DIAPH3: variants seen among roughly 807,000 people sequenced by gnomAD.
The protein encoded by DIAPH3 is diaphanous related formin 3, also known as protein diaphanous homolog 3.
In DIAPH3, 117 loss-of-function variants were observed where a neutral mutation model predicts 144.3. The observed-to-expected ratio is 0.81, with a 90% CI of 0.70 to 0.95. DIAPH3 has a LOEUF of 0.95. DIAPH3 is among the 40% of genes least tolerant of loss of function. The pLI, the probability that DIAPH3 is intolerant of heterozygous loss-of-function variation, is 0.00. For synonymous variants in DIAPH3, 519 were observed against 488.9 expected (o/e 1.06, Z -0.81); for missense variants, 1,421 against 1,412.7 (o/e 1.01, Z -0.09).
At chr13:59,821,370 T>C (rs1030976139) in intron 24 of DIAPH3, among the ~76,000 whole-genome samples, 20 of 152,054 alleles carry the variant, frequency 1.3e-4, no homozygotes, top group Admixed American at 3.9e-4. Context: ...ATTACTACTT[T>C]CTAGAAACTC....
At chr13:59,697,491 A>AAAAAAAAAAAAAAAAAAAAAAAAAAG (rs1555274392) in intron 27 of DIAPH3, among the ~76,000 whole-genome samples, 1 of 78,082 alleles carries the variant, frequency 1.3e-5, no homozygotes, top group African/African-American at 4.4e-5. Flanking sequence ...AAAAAAAAAA[A>AAAAAAAAAAAAAAAAAAAAAAAAAAG]AAGAAGAGGG....
intron 9 of DIAPH3, among the ~76,000 whole-genome samples, chr13:60,007,032 T>C (rs1173670775): frequency 1.3e-5 from 2 of 152,164 alleles, no homozygotes; most frequent in African/African-American, 2.4e-5. Context: ...ATTATTAGTT[T>C]CACAGCTCCT....
In DIAPH3 at chr13:59,789,335, T is replaced by C. The variant is rs566041249; in HGVS notation, c.3164-14512A>G. Among the ~76,000 whole-genome samples the C allele has an allele frequency of 2.8e-4, 43 of 152,314 alleles. 3 individuals are homozygous for C. The South Asian group carries it at 7.3e-3, about 26-fold the overall frequency. ...CTTGTCACCCACAAGAGCTTCACTT[T>C]ATTCTGAGTGAAGTTTAACAAGCTT... is the stretch of plus-strand genomic sequence containing the variant. On this transcript the variant is annotated intron_variant, in intron 25 of 27. Coordinates refer to ENST00000400324, the MANE Select transcript of DIAPH3 (RefSeq NM_001042517.2).
intron 4 of DIAPH3, among the ~76,000 whole-genome samples, chr13:60,070,969 A>G (rs1462119494): frequency 1.3e-5 from 2 of 152,218 alleles, no homozygotes; most frequent in Admixed American, 6.5e-5. Flanking sequence ...TATTATTTAA[A>G]TTATTCCTAA....
intron 17 of DIAPH3, among the ~76,000 whole-genome samples, chr13:59,945,267 A>T (rs920203606): frequency 2.0e-5 from 3 of 152,004 alleles, no homozygotes; most frequent in Admixed American, 6.6e-5. Flanking sequence ...ACCCCTCATC[A>T]TACCTTGCTC....
At chr13:59,735,384 C>T (rs753696429) in intron 27 of DIAPH3, among the ~76,000 whole-genome samples, 20 of 152,132 alleles carry the variant, frequency 1.3e-4, no homozygotes, top group South Asian at 4.2e-4. Context: ...TTTGAAAGTC[C>T]GTAACACCTT....
intron 27 of DIAPH3, among the ~76,000 whole-genome samples, chr13:59,681,299 C>T (rs1263670766): frequency 5.3e-5 from 8 of 152,132 alleles, no homozygotes; most frequent in Admixed American, 2.6e-4. Flanking sequence ...AGTAAGACTC[C>T]GTCTCTACAA....
intron 24 of DIAPH3, among the ~76,000 whole-genome samples, chr13:59,820,993 A>G (rs2139634275): frequency 6.6e-6 from 1 of 151,918 alleles, no homozygotes; most frequent in Middle Eastern, 3.4e-3. Flanking sequence ...AAACTAGGAG[A>G]TTTAATCATT....
At position 60,093,741 on chromosome 13, in the gene DIAPH3, C is replaced by G. The variant is rs778382123; in HGVS notation, c.391-9G>C. On this transcript the variant is annotated splice_polypyrimidine_tract_variant and intron_variant, in intron 3 of 27. Transcript: ENST00000400324. ...TTTAAATTCATATCTTCCTGGAAAACACAATTAAAATGCCTCATTTTAGAA... is the reference window on the plus strand; with the variant it reads ...TTTAAATTCATATCTTCCTGGAAAAGACAATTAAAATGCCTCATTTTAGAA... 205 of 1,584,890 alleles carry G rather than the reference C, an allele frequency of 1.3e-4. No individual in the cohort carries two copies. Among genetic ancestry groups the G allele is most frequent in the Non-Finnish European group, 1.7e-4 (197 of 1,154,776 alleles).
intron 21 of DIAPH3, among the ~76,000 whole-genome samples, chr13:59,876,782 T>A (rs1852825610): frequency 6.6e-6 from 1 of 152,168 alleles, no homozygotes; most frequent in Admixed American, 6.5e-5. Context: ...CTAAAGAGGA[T>A]CACAGACACT....
intron 27 of DIAPH3, among the ~76,000 whole-genome samples, chr13:59,725,327 T>C (rs1402923414): frequency 6.6e-6 from 1 of 152,216 alleles, no homozygotes; most frequent in Non-Finnish European, 1.5e-5. Context: ...TGTTTCCATA[T>C]GGGACTTCTT....
At chr13:60,014,571 G>A (rs1472414921) in intron 7 of DIAPH3, among the ~76,000 whole-genome samples, 1 of 151,956 alleles carries the variant, frequency 6.6e-6, no homozygotes, top group Non-Finnish European at 1.5e-5. Context: ...ATAAATATTT[G>A]CTAATACATG....
At chr13:60,123,019 C>A (rs1160202134) in intron 2 of DIAPH3, among the ~76,000 whole-genome samples, 2 of 152,020 alleles carry the variant, frequency 1.3e-5, no homozygotes, top group African/African-American at 4.8e-5. Flanking sequence ...TACCCATAAA[C>A]AAAAAGTCAT....
Position 59,971,096 on chromosome 13 carries a change from T to C in DIAPH3, c.1715A>G (p.His572Arg), listed in dbSNP as rs1004902911. 1 of 1,611,440 alleles carries C rather than the reference T, an allele frequency of 6.2e-7. No individual in the cohort carries two copies. Among genetic ancestry groups the C allele is most frequent in the African/African-American group, 1.3e-5 (1 of 74,820 alleles). The change falls in exon 16 of 28, where the codon CAC (histidine) becomes CGC (arginine). Residue 572 changes from histidine (H) to arginine (R), a missense_variant. By Grantham distance (29) the His-to-Arg change is conservative. Coordinates refer to ENST00000400324, the MANE Select transcript of DIAPH3 (RefSeq NM_001042517.2). Reference protein sequence around the residue: ...LPPSKEGGTGHSALPPPPPLP... With the variant: ...LPPSKEGGTGRSALPPPPPLP... Reference sequence around the variant, plus strand: ...TGGAGGCGGAGGAGGAAGTGCTGAGTGGCCAGTTCCACCTTCTTTAGAGGG... The same window carrying C: ...TGGAGGCGGAGGAGGAAGTGCTGAGCGGCCAGTTCCACCTTCTTTAGAGGG...
intron 4 of DIAPH3, among the ~76,000 whole-genome samples, chr13:60,070,464 G>C (rs2057160920): frequency 6.6e-6 from 1 of 151,892 alleles, no homozygotes; most frequent in Non-Finnish European, 1.5e-5. Context: ...AGTTGATCAT[G>C]TCTATGTTTT....
chr13:59,780,602 T>C (rs2038684778), intron 25 of DIAPH3, among the ~76,000 whole-genome samples: 1 of 152,170 alleles, frequency 6.6e-6, no homozygotes, highest in Admixed American at 6.5e-5. Flanking sequence ...TTGTAAATGG[T>C]ATTTTAAAAA....
chr13:59,854,852 T>C (rs1050695488), intron 22 of DIAPH3, among the ~76,000 whole-genome samples: 3 of 152,284 alleles, frequency 2.0e-5, no homozygotes, highest in African/African-American at 7.2e-5. Context: ...AGATTAATGA[T>C]GTATTGATGA....
intron 3 of DIAPH3, among the ~76,000 whole-genome samples, chr13:60,096,679 G>A (rs1227144443): frequency 6.6e-6 from 1 of 152,142 alleles, no homozygotes; most frequent in Admixed American, 6.5e-5. Context: ...GCAGAAGAAA[G>A]GCTAAGTCTC....
chr13:59,746,555 C>T (rs934062148), intron 27 of DIAPH3, among the ~76,000 whole-genome samples: 10 of 152,168 alleles, frequency 6.6e-5, no homozygotes, highest in Non-Finnish European at 1.3e-4. Context: ...ACCCTCAAGA[C>T]TTTAACCCTG....
Sources: allele counts gnomAD v4.1 joint callset (sites outside exome capture counted in the v4.1 genomes callset), GRCh38; gene constraint gnomAD v4.1.1; transcripts MANE v1.5; gene names NCBI Gene and HGNC (gene_info 2026-07-23, HGNC 2026-07-21).